Variants in IDE observed in about 807,000 individuals in gnomAD.
IDE encodes insulin degrading enzyme, also known as insulin-degrading enzyme.
In IDE, 58 loss-of-function variants were observed where a neutral mutation model predicts 133.2. That is an observed-to-expected ratio of 0.44 (90% CI 0.35 to 0.54). IDE has a LOEUF of 0.54. Ranked by LOEUF, IDE falls within the 20% of genes least tolerant of loss-of-function variation. The pLI, the probability that IDE is intolerant of heterozygous loss-of-function variation, is 0.00. For missense variants in IDE, 981 were observed against 1,234.0 expected (o/e 0.79, Z 3.07); for synonymous variants, 396 against 421.3 (o/e 0.94, Z 0.73).
At chr10:92,502,504 G>A (rs1446152221) in intron 11 of IDE, among the ~76,000 whole-genome samples, 1 of 152,104 alleles carries the variant, frequency 6.6e-6, no homozygotes, top group East Asian at 1.9e-4. Context: ...ACCTGTGACT[G>A]TGCTGAATTC....
chr10:92,510,662 A>C (rs1848538885), intron 5 of IDE, among the ~76,000 whole-genome samples: 1 of 151,550 alleles, frequency 6.6e-6, no homozygotes, highest in Admixed American at 6.6e-5. Flanking sequence ...TATATATCAC[A>C]TACATCTCAC....
rs560967663 is a variant in IDE, at chr10:92,470,375, G to C, written c.2117-30C>G. 2.1e-6 allele frequency: 3 copies of C among 1,429,862 alleles called. No individual in the cohort carries two copies. The South Asian group carries it at 3.9e-5, about 18-fold the overall frequency. 88.6% of individuals were successfully genotyped at this position (1,429,862 alleles called of 1,614,324 possible). A position where few individuals can be genotyped will look rare whatever the true frequency, so the allele number is the denominator to read the frequency against. The stretch of plus-strand genomic sequence containing the variant: ...AAAGGTGTAAGAAGACATAGTGAGC[G>C]CTACCTATGAGGGATTTTTTGTTTG... On this transcript the variant is annotated intron_variant, in intron 17 of 24. Coordinates refer to ENST00000265986, the MANE Select transcript of IDE (RefSeq NM_004969.4).
intron 11 of IDE, among the ~76,000 whole-genome samples, chr10:92,498,670 T>C (rs1847852619): frequency 6.6e-6 from 1 of 152,124 alleles, no homozygotes; most frequent in African/African-American, 2.4e-5. Context: ...GGCAGGAGAA[T>C]TGTCTGAACC....
chr10:92,497,599 G>T, intron 11 of IDE: 1 of 310,224 alleles, frequency 3.2e-6, no homozygotes, highest in Non-Finnish European at 4.7e-6. Flanking sequence ...ATTCTTAAGA[G>T]TTTCCTGTTT....
chr10:92,572,103 A>G (rs1436204162), intron 1 of IDE, among the ~76,000 whole-genome samples: 1 of 152,222 alleles, frequency 6.6e-6, no homozygotes, highest in African/African-American at 2.4e-5. Flanking sequence ...AAAACTCTGG[A>G]TGGTCGACCG....
At chr10:92,489,436 G>A (rs577911603) in intron 12 of IDE, among the ~76,000 whole-genome samples, 158 of 152,208 alleles carry the variant, frequency 1.0e-3, no homozygotes, top group Non-Finnish European at 1.6e-3. Context: ...TATAGTCCCA[G>A]CTACTCGGGA....
chr10:92,486,272 C>A (rs1034728574), intron 13 of IDE, among the ~76,000 whole-genome samples: 1 of 152,030 alleles, frequency 6.6e-6, no homozygotes, highest in African/African-American at 2.4e-5. Flanking sequence ...ATCACTTGAA[C>A]TTGGGAGGCG....
intron 19 of IDE, among the ~76,000 whole-genome samples, chr10:92,468,435 TAATCCCTTATAAA>T (rs1845802492): frequency 6.6e-6 from 1 of 152,234 alleles, no homozygotes; most frequent in Admixed American, 6.5e-5. Context: ...AAGTCTTTGT[TAATCCCTTATAAA>T]AATATACTTG....
At chr10:92,465,483 A>G (rs577720253) in intron 20 of IDE, among the ~76,000 whole-genome samples, 193 bp downstream of exon 20, 26 of 152,310 alleles carry the variant, frequency 1.7e-4, no homozygotes, top group Admixed American at 5.9e-4. Flanking sequence ...CTCATAAATA[A>G]TTGCTTTAAT....
At chr10:92,529,400 G>A (rs1400875612) in intron 4 of IDE, among the ~76,000 whole-genome samples, 7 of 152,130 alleles carry the variant, frequency 4.6e-5, no homozygotes, top group Non-Finnish European at 8.8e-5. Context: ...CACATTTTCT[G>A]TACTGTGTAT....
chr10:92,544,362 C>A (rs1250755705), intron 1 of IDE, among the ~76,000 whole-genome samples: 1 of 151,988 alleles, frequency 6.6e-6, no homozygotes, highest in Non-Finnish European at 1.5e-5. Context: ...AGTGGTGGGT[C>A]GTAACAGCTG....
At chr10:92,500,852 C>T (rs907935426) in intron 11 of IDE, among the ~76,000 whole-genome samples, 5 of 151,536 alleles carry the variant, frequency 3.3e-5, no homozygotes, top group Middle Eastern at 3.2e-3. Context: ...AACAGCCTGG[C>T]CAACATGGTG....
intron 17 of IDE, among the ~76,000 whole-genome samples, chr10:92,470,888 T>A (rs189369775): frequency 2.6e-5 from 4 of 152,368 alleles, no homozygotes; most frequent in Admixed American, 2.6e-4. Flanking sequence ...TTAAAACTGA[T>A]CACTTGGTTA....
At chr10:92,500,450 A>T (rs1454532645) in intron 11 of IDE, among the ~76,000 whole-genome samples, 2 of 152,260 alleles carry the variant, frequency 1.3e-5, no homozygotes, top group African/African-American at 4.8e-5. Flanking sequence ...AGTAAGTGAA[A>T]TGAACCAGGC....
chr10:92,533,272 A>G (rs964388016), intron 3 of IDE, among the ~76,000 whole-genome samples: 1 of 152,200 alleles, frequency 6.6e-6, no homozygotes, highest in African/African-American at 2.4e-5. Flanking sequence ...GATGAAATTC[A>G]GTGTATGATC....
intron 4 of IDE, among the ~76,000 whole-genome samples, chr10:92,525,730 A>C (rs1395798065): frequency 5.5e-5 from 8 of 144,162 alleles, no homozygotes; most frequent in Admixed American, 2.1e-4. Flanking sequence ...TAGCATTTCT[A>C]TATGCCAACA....
intron 2 of IDE, among the ~76,000 whole-genome samples, chr10:92,535,096 T>G (rs1564658098): frequency 6.6e-6 from 1 of 151,950 alleles, no homozygotes; most frequent in Non-Finnish European, 1.5e-5. Flanking sequence ...AAAATTTTCT[T>G]TTTATTTATT....
At chr10:92,573,059 A>G in intron 1 of IDE, 1 of 985,454 alleles carries the variant, frequency 1.0e-6, no homozygotes, top group Middle Eastern at 5.2e-4. Flanking sequence ...TAAAACCAGC[A>G]GGGGTTCAAA....
chr10:92,482,590 C>T (rs539171578), intron 14 of IDE, among the ~76,000 whole-genome samples: 66 of 152,116 alleles, frequency 4.3e-4, no homozygotes, highest in Non-Finnish European at 8.2e-4. Flanking sequence ...AAAAACACCC[C>T]AAATTATTTA....
Sources: allele counts gnomAD v4.1 joint callset (sites outside exome capture counted in the v4.1 genomes callset), GRCh38; gene constraint gnomAD v4.1.1; transcripts MANE v1.5; gene names NCBI Gene and HGNC (gene_info 2026-07-23, HGNC 2026-07-21).